HDAC9: variants seen among roughly 807,000 people sequenced by gnomAD.
HDAC9 encodes the protein MEF-2 interacting transcription repressor (MITR) protein.
In HDAC9, 41 loss-of-function variants were observed where a neutral mutation model predicts 139.4. That is an observed-to-expected ratio of 0.29 (90% CI 0.23 to 0.38). HDAC9 has a LOEUF of 0.38. Ranked by LOEUF, HDAC9 falls within the 10% of genes least tolerant of loss-of-function variation. HDAC9 has a pLI of 1.00. For synonymous variants in HDAC9, 517 were observed against 476.2 expected, an observed-to-expected ratio of 1.09 and a Z score of -1.12; for missense variants, 1,147 against 1,297.0, an observed-to-expected ratio of 0.88 and a Z score of 1.78.
chr7:18,366,992 A>T (rs1372411836), intron 1 of HDAC9, among the ~76,000 whole-genome samples: 2 of 152,114 alleles, frequency 1.3e-5, no homozygotes, highest in Non-Finnish European at 2.9e-5. Flanking sequence ...AATATGTAGC[A>T]TTCACTACCT....
chr7:18,139,498 C>T (rs971898265), intron 1 of HDAC9, among the ~76,000 whole-genome samples: 8 of 152,148 alleles, frequency 5.3e-5, no homozygotes, highest in Non-Finnish European at 1.0e-4. Context: ...ATAATCTATA[C>T]ACACTACGTT....
chr7:18,890,119 C>G (rs1428053303), intron 22 of HDAC9, among the ~76,000 whole-genome samples: 1 of 152,156 alleles, frequency 6.6e-6, no homozygotes, highest in African/African-American at 2.4e-5. Flanking sequence ...AATACAGAAA[C>G]TCATTTAAAC....
chr7:18,439,329 G>A (rs549819308), intron 1 of HDAC9, among the ~76,000 whole-genome samples: 6 of 152,046 alleles, frequency 3.9e-5, no homozygotes, highest in African/African-American at 7.2e-5. Flanking sequence ...TACTGGAAGC[G>A]CATTGTAATT....
intron 2 of HDAC9, among the ~76,000 whole-genome samples, chr7:18,528,704 T>C (rs1226315305): frequency 1.3e-5 from 2 of 152,122 alleles, no homozygotes; most frequent in Admixed American, 1.3e-4. Context: ...TTAATAACAA[T>C]GAATTTTATA....
chr7:18,358,997 T>C (rs1200981302), intron 1 of HDAC9, among the ~76,000 whole-genome samples: 2 of 152,226 alleles, frequency 1.3e-5, no homozygotes, highest in Admixed American at 1.3e-4. Context: ...GACTAATATT[T>C]CAACCCAGAA....
chr7:18,307,097 TTGTGTGTGTGTGTGTGTGTGTG>T (rs56020648), intron 1 of HDAC9, among the ~76,000 whole-genome samples: 1 of 134,808 alleles, frequency 7.4e-6, no homozygotes, highest in Non-Finnish European at 1.6e-5. Flanking sequence ...AGGGCAGTTC[TTGTGTGTGTGTGTGTGTGTGTG>T]TGTGTGTGTG....
chr7:18,310,521 T>G (rs1368179698), intron 1 of HDAC9, among the ~76,000 whole-genome samples: 1 of 152,150 alleles, frequency 6.6e-6, no homozygotes, highest in Admixed American at 6.5e-5. Flanking sequence ...GCCAGTTGTA[T>G]TTTTCTAATT....
chr7:18,597,822 A>G (rs572453320), intron 6 of HDAC9, among the ~76,000 whole-genome samples: 1 of 152,296 alleles, frequency 6.6e-6, no homozygotes, highest in South Asian at 2.1e-4. Flanking sequence ...AAAGTGCACA[A>G]GCCATGTAAA....
At chr7:18,719,403 G>A (rs1232011483) in intron 12 of HDAC9, among the ~76,000 whole-genome samples, 4 of 127,484 alleles carry the variant, frequency 3.1e-5, no homozygotes, top group Non-Finnish European at 6.2e-5. Flanking sequence ...GCAATGGCAC[G>A]ATCTCGGCTC....
intron 23 of HDAC9, among the ~76,000 whole-genome samples, chr7:18,952,817 G>GA (rs1782891596): frequency 1.4e-5 from 2 of 141,854 alleles, no homozygotes; most frequent in Non-Finnish European, 3.1e-5. Context: ...TGGTGGTGAT[G>GA]TTTTTTTTTT....
intron 22 of HDAC9, among the ~76,000 whole-genome samples, chr7:18,897,180 T>G (rs1030556818): frequency 5.3e-5 from 8 of 151,960 alleles, no homozygotes; most frequent in Non-Finnish European, 8.8e-5. Flanking sequence ...AAAAATCTGG[T>G]CTGACTGAAT....
chr7:18,132,430 G>A (rs1165561942), intron 1 of HDAC9, among the ~76,000 whole-genome samples: 1 of 151,934 alleles, frequency 6.6e-6, no homozygotes, highest in Admixed American at 6.6e-5. Context: ...AAGAGACAGG[G>A]CCTTTGTCTC....
At chr7:18,407,532 A>T (rs1343043156) in intron 1 of HDAC9, among the ~76,000 whole-genome samples, 1 of 151,944 alleles carries the variant, frequency 6.6e-6, no homozygotes, top group East Asian at 1.9e-4. Context: ...TCTGTGATTC[A>T]TCAGTTCACC....
chr7:18,233,297 AT>A (rs1412144893), intron 2 of HDAC9, among the ~76,000 whole-genome samples: 1 of 151,942 alleles, frequency 6.6e-6, no homozygotes, highest in Non-Finnish European at 1.5e-5. Flanking sequence ...ACCTTTACTC[AT>A]TATTTTTCAT....
At position 18,997,338 on chromosome 7, in the gene HDAC9, C is replaced by T. The variant is rs1019464654; in HGVS notation, c.*1276C>T. On this transcript the variant is annotated 3_prime_UTR_variant, in exon 26 of 26. Transcript: ENST00000686413. ...ACAAAAACAAAAAACAGCCTTTAAACAAGTTTCCTTAGTGTCAAAAGTTAA... is the reference window on the plus strand; with the variant it reads ...ACAAAAACAAAAAACAGCCTTTAAATAAGTTTCCTTAGTGTCAAAAGTTAA... 6.7e-6 allele frequency: 1 copy of T among 149,104 alleles called. No homozygotes were observed. Among genetic ancestry groups the T allele is most frequent in the Non-Finnish European group, 1.5e-5 (1 of 67,256 alleles). 9.2% of individuals were successfully genotyped at this position (149,104 alleles called of 1,614,324 possible).
intron 2 of HDAC9, among the ~76,000 whole-genome samples, chr7:18,520,498 G>A (rs1018942182): frequency 2.6e-5 from 4 of 152,146 alleles, no homozygotes; most frequent in African/African-American, 7.2e-5. Flanking sequence ...AAGGGAGTAT[G>A]ATGAACCATG....
At chr7:18,142,839 C>G (rs76930735) in intron 1 of HDAC9, among the ~76,000 whole-genome samples, 6,718 of 152,276 alleles carry the variant, frequency 0.044, 172 homozygotes, top group Middle Eastern at 0.071. Flanking sequence ...CTGCCTCCTC[C>G]TCTCCCTGCT....
At chr7:18,508,543 G>A (rs1316876169) in intron 2 of HDAC9, among the ~76,000 whole-genome samples, 1 of 152,142 alleles carries the variant, frequency 6.6e-6, no homozygotes, top group Non-Finnish European at 1.5e-5. Context: ...TTAACTTGAA[G>A]TGAAGGCTCT....
intron 22 of HDAC9, among the ~76,000 whole-genome samples, chr7:18,894,922 G>A (rs951281217): frequency 6.6e-6 from 1 of 152,050 alleles, no homozygotes; most frequent in Non-Finnish European, 1.5e-5. Context: ...CCAGATGCTG[G>A]CAGGTGATGG....
Sources: allele counts gnomAD v4.1 joint callset (sites outside exome capture counted in the v4.1 genomes callset), GRCh38; gene constraint gnomAD v4.1.1; transcripts MANE v1.5; gene names NCBI Gene and HGNC (gene_info 2026-07-23, HGNC 2026-07-21).